EXOC4: variants seen among roughly 807,000 people sequenced by gnomAD.
EXOC4 encodes the protein exocyst complex component 4, also known as SEC8-like 1.
A neutral mutation model predicts 107.2 loss-of-function variants in EXOC4; 71 were observed. The ratio of observed to expected loss-of-function variants is 0.66; its 90% CI spans 0.55 to 0.81. The LOEUF (loss-of-function observed/expected upper bound fraction) is 0.81. Among genes scored for constraint, EXOC4 ranks in the 30% least tolerant of loss-of-function variants. The pLI, the probability that EXOC4 is intolerant of heterozygous loss-of-function variation, is 0.00. For synonymous variants in EXOC4, 456 were observed against 441.2 expected (o/e 1.03, Z -0.42); for missense variants, 1,108 against 1,189.6 (o/e 0.93, Z 1.01).
intron 10 of EXOC4, among the ~76,000 whole-genome samples, chr7:133,770,828 G>T (rs1187458588): frequency 6.6e-6 from 1 of 151,850 alleles, no homozygotes; most frequent in Non-Finnish European, 1.5e-5. Flanking sequence ...TTTCATACAT[G>T]TGTTTGATTA....
chr7:133,347,309 T>C (rs1446517498), intron 5 of EXOC4, among the ~76,000 whole-genome samples: 1 of 151,278 alleles, frequency 6.6e-6, no homozygotes, highest in East Asian at 1.9e-4. Flanking sequence ...AGTGGTGCGA[T>C]CTTGGCTCAC....
intron 7 of EXOC4, among the ~76,000 whole-genome samples, chr7:133,441,604 G>C (rs1798105293): frequency 6.6e-6 from 1 of 152,112 alleles, no homozygotes; most frequent in Non-Finnish European, 1.5e-5. Flanking sequence ...ATGTGGCCAG[G>C]CTGGTCTTGA....
At chr7:134,069,134 C>G (rs1349635265), downstream of EXOC4, among the ~76,000 whole-genome samples, 2 of 152,166 alleles carry the variant, frequency 1.3e-5, no homozygotes, top group African/African-American at 4.8e-5. Flanking sequence ...CTTTGCTTCT[C>G]TGGAAGCTTA....
chr7:133,424,734 T>A (rs1013679877), intron 7 of EXOC4, among the ~76,000 whole-genome samples: 1 of 152,240 alleles, frequency 6.6e-6, no homozygotes, highest in Non-Finnish European at 1.5e-5. Context: ...GCACTATGAA[T>A]AGAGTCAGTA....
At chr7:133,536,003 T>C (rs1800263157) in intron 9 of EXOC4, among the ~76,000 whole-genome samples, 3 of 152,242 alleles carry the variant, frequency 2.0e-5, no homozygotes, top group Non-Finnish European at 4.4e-5. Context: ...TTTAGTAGTT[T>C]TTGTTCAGAA....
At chr7:133,738,364 A>C (rs1042269637) in intron 10 of EXOC4, among the ~76,000 whole-genome samples, 1 of 152,200 alleles carries the variant, frequency 6.6e-6, no homozygotes, top group African/African-American at 2.4e-5. Flanking sequence ...TTAAATGTGT[A>C]GCCTCATTAC....
chr7:133,977,650 C>G (rs2953621), intron 14 of EXOC4, among the ~76,000 whole-genome samples: 111,131 of 151,890 alleles, frequency 0.73, 41,262 homozygotes, highest in East Asian at 0.91. Context: ...CTGGTTTTTT[C>G]TTTGCTTTGG....
At chr7:134,029,427 A>G (rs192560267) in intron 17 of EXOC4, among the ~76,000 whole-genome samples, 21 of 152,310 alleles carry the variant, frequency 1.4e-4, no homozygotes, top group Admixed American at 1.0e-3. Context: ...TTAGGGCTGG[A>G]TGGAGAATAG....
chr7:133,814,019 G>C (rs1659426901), intron 10 of EXOC4, among the ~76,000 whole-genome samples: 2 of 152,058 alleles, frequency 1.3e-5, no homozygotes, highest in Non-Finnish European at 2.9e-5. Flanking sequence ...ATATGTGTAG[G>C]CAATTTTAAA....
chr7:133,463,196 G>T (rs1030849097), intron 7 of EXOC4, among the ~76,000 whole-genome samples: 1 of 152,162 alleles, frequency 6.6e-6, no homozygotes, highest in South Asian at 2.1e-4. Flanking sequence ...GGATTTGGCA[G>T]GTGATTTGGA....
chr7:133,797,375 C>T (rs1328086352), intron 10 of EXOC4, among the ~76,000 whole-genome samples: 1 of 152,154 alleles, frequency 6.6e-6, no homozygotes, highest in Non-Finnish European at 1.5e-5. Context: ...TAAAGCGATT[C>T]TGCCCAAGTA....
chr7:134,001,397 C>T (rs1794528074), intron 15 of EXOC4, among the ~76,000 whole-genome samples: 1 of 151,998 alleles, frequency 6.6e-6, no homozygotes, highest in Non-Finnish European at 1.5e-5. Flanking sequence ...GTAAGGTCAG[C>T]AACAACAGGC....
rs7788651 is a variant in EXOC4, at chr7:133,420,584, G to A, written c.1182+45582G>A. Among the ~76,000 whole-genome samples the A allele has an allele frequency of 2.5e-3, 384 of 152,176 alleles. 5 individuals are homozygous for A. Among genetic ancestry groups the A allele is most frequent in the African/African-American group, 8.2e-3 (340 of 41,530 alleles). On this transcript the variant is annotated intron_variant, in intron 7 of 17. Coordinates refer to ENST00000253861, the MANE Select transcript of EXOC4 (RefSeq NM_021807.4). ...GCAAGTCACAGTTCCCTCCCACGCC[G>A]AAGGGGAGGGAAACACACAAAAGCG...
rs1563075825 is a variant in EXOC4 at position 133,464,798 on chromosome 7, GTTGGTTGGGTTGGTTTTTTTT to G, written c.1183-10527_1183-10507del. On this transcript the variant is annotated intron_variant, in intron 7 of 17. Coordinates refer to ENST00000253861, the MANE Select transcript of EXOC4 (RefSeq NM_021807.4). ...CCAGTAGCTGAAGTTTTTTTTTTTT[GTTGGTTGGGTTGGTTTTTTTT>G]TTTTTTTTTTTTTTTTTGGAGTTAG... Among the ~76,000 whole-genome samples the G allele has an allele frequency of 8.6e-5, 3 of 34,910 alleles. No homozygotes were observed. In the East Asian group the frequency reaches 1.9e-3, roughly 22 times the overall value. The allele number at this position is 34,910 out of a possible 152,430, so 22.9% of individuals were successfully genotyped here. A position where few individuals can be genotyped will look rare whatever the true frequency, so the allele number is the denominator to read the frequency against.
At chr7:133,679,188 A>G (rs910498521) in intron 10 of EXOC4, among the ~76,000 whole-genome samples, 2 of 152,150 alleles carry the variant, frequency 1.3e-5, no homozygotes, top group African/African-American at 4.8e-5. Context: ...CTTCTTTCCC[A>G]TAAGTTGTTT....
At chr7:134,042,452 G>C (rs980718591) in intron 17 of EXOC4, among the ~76,000 whole-genome samples, 3 of 150,490 alleles carry the variant, frequency 2.0e-5, no homozygotes, top group African/African-American at 7.3e-5. Context: ...CTTCATTGCA[G>C]ATTGAGTGAC....
At chr7:133,423,542 T>C (rs1449736338) in intron 7 of EXOC4, among the ~76,000 whole-genome samples, 3 of 152,180 alleles carry the variant, frequency 2.0e-5, no homozygotes, top group Admixed American at 6.5e-5. Flanking sequence ...TTTAAGCTCA[T>C]TGAAAGTAAG....
chr7:133,587,526 C>A (rs1801434731), intron 9 of EXOC4, among the ~76,000 whole-genome samples: 1 of 152,150 alleles, frequency 6.6e-6, no homozygotes. Context: ...GAGTTAGCAG[C>A]CAATTTTATT....
rs542833960 is a variant in EXOC4, at chr7:133,381,134, TAA to T, written c.1182+6133_1182+6134del. ...AATTTGAGCATAGAGCATTTTTGAATAAGAGGTTCATATAAATATTTTAATTT... is the reference window on the plus strand; with the variant it reads ...AATTTGAGCATAGAGCATTTTTGAATGAGGTTCATATAAATATTTTAATTT... On this transcript the variant is annotated intron_variant, in intron 7 of 17. Transcript: ENST00000253861. 3.4e-4 allele frequency among the ~76,000 whole-genome samples: 52 copies of T among 152,308 alleles called. 2 individuals carry two copies. In the South Asian group the frequency reaches 5.8e-3, roughly 17 times the overall value.
Sources: gnomAD v4.1 joint callset for allele counts (sites outside exome capture counted in the v4.1 genomes callset) on GRCh38, gnomAD v4.1.1 for gene constraint, MANE v1.5 for transcripts, NCBI Gene and HGNC (gene_info 2026-07-23, HGNC 2026-07-21) for gene names.